The following PHTF2 variants were observed in gnomAD, a reference collection of about 807,000 sequenced individuals.
The protein encoded by PHTF2 is putative homeodomain transcription factor 2.
A neutral mutation model predicts 101.2 loss-of-function variants in PHTF2; 60 were observed. That is an observed-to-expected ratio of 0.59 (90% CI 0.48 to 0.73). The LOEUF is 0.73. Ranked by LOEUF, PHTF2 falls within the 30% of genes least tolerant of loss-of-function variation. The pLI, the probability that PHTF2 is intolerant of heterozygous loss-of-function variation, is 0.00. For missense variants in PHTF2, 747 were observed against 908.7 expected (o/e 0.82, Z 2.29); for synonymous variants, 311 against 307.3 (o/e 1.01, Z -0.13).
intron 3 of PHTF2, among the ~76,000 whole-genome samples, chr7:77,882,403 T>C (rs144452029): frequency 1.1e-3 from 165 of 152,268 alleles, no homozygotes; most frequent in African/African-American, 3.8e-3. Context: ...TCTACTCAAG[T>C]AGCTTTACTT....
intron 2 of PHTF2, among the ~76,000 whole-genome samples, chr7:77,841,742 T>C (rs1795903698): frequency 6.6e-6 from 1 of 152,224 alleles, no homozygotes; most frequent in Non-Finnish European, 1.5e-5. Context: ...TTGTGTTTGT[T>C]AGTGCCTCCT....
chr7:77,837,152 G>C (rs1181356730), intron 1 of PHTF2, among the ~76,000 whole-genome samples: 1 of 152,048 alleles, frequency 6.6e-6, no homozygotes, highest in Non-Finnish European at 1.5e-5. Context: ...ACCCATCCTT[G>C]TATCAGATCA....
At chr7:77,868,613 A>T (rs1397605429) in intron 3 of PHTF2, among the ~76,000 whole-genome samples, 1 of 152,170 alleles carries the variant, frequency 6.6e-6, no homozygotes, top group Admixed American at 6.5e-5. Context: ...TTCTCATCTA[A>T]ACAAGTAATT....
At chr7:77,843,089 G>A (rs1361668023) in intron 2 of PHTF2, among the ~76,000 whole-genome samples, 1 of 152,080 alleles carries the variant, frequency 6.6e-6, no homozygotes, top group African/African-American at 2.4e-5. Context: ...TCATTTTATT[G>A]TAGATGTTAC....
intron 1 of PHTF2, among the ~76,000 whole-genome samples, chr7:77,838,168 G>T (rs1396801610): frequency 6.6e-6 from 1 of 152,156 alleles, no homozygotes; most frequent in Non-Finnish European, 1.5e-5. Context: ...AATCAGTGGG[G>T]CAAACCTCTG....
intron 12 of PHTF2, among the ~76,000 whole-genome samples, chr7:77,931,778 C>T (rs1205410414): frequency 6.6e-6 from 1 of 151,928 alleles, no homozygotes; most frequent in South Asian, 2.1e-4. Context: ...ATATAATAGC[C>T]AATAATAGTG....
At chr7:77,906,477 C>T (rs1322043816) in intron 7 of PHTF2, 1 of 152,032 alleles carries the variant, frequency 6.6e-6, no homozygotes, top group Non-Finnish European at 1.5e-5. Context: ...TTTCTAATGC[C>T]TTGTCGTCAG....
chr7:77,928,968 T>C, intron 11 of PHTF2, 141 bp from the exon 11 acceptor site: 2 of 598,620 alleles, frequency 3.3e-6, no homozygotes, highest in South Asian at 4.4e-5. Context: ...ATATATTTTG[T>C]AATGTTTTGC....
intron 3 of PHTF2, among the ~76,000 whole-genome samples, chr7:77,869,204 A>G (rs1798325203): frequency 6.6e-6 from 1 of 152,194 alleles, no homozygotes; most frequent in Non-Finnish European, 1.5e-5. Flanking sequence ...ATTTTGATAC[A>G]TACAATGGGT....
At chr7:77,859,116 C>T (rs1202731886) in intron 3 of PHTF2, among the ~76,000 whole-genome samples, 1 of 152,162 alleles carries the variant, frequency 6.6e-6, no homozygotes, top group Non-Finnish European at 1.5e-5. Flanking sequence ...TTGCCTTCTT[C>T]ACACTCTTTC....
At chr7:77,894,217 A>G (rs1800695296) in intron 5 of PHTF2, among the ~76,000 whole-genome samples, 2 of 152,222 alleles carry the variant, frequency 1.3e-5, no homozygotes, top group African/African-American at 4.8e-5. Flanking sequence ...TCTTATGCTG[A>G]TAAAATATTC....
intron 12 of PHTF2, among the ~76,000 whole-genome samples, chr7:77,934,804 G>A (rs1026197223): frequency 5.3e-5 from 8 of 151,984 alleles, no homozygotes; most frequent in African/African-American, 1.4e-4. Flanking sequence ...AAAATTAGTC[G>A]GGCATGGTGG....
At chr7:77,844,681 C>T (rs772613335) in intron 2 of PHTF2, among the ~76,000 whole-genome samples, 31 of 152,226 alleles carry the variant, frequency 2.0e-4, no homozygotes, top group Non-Finnish European at 2.8e-4. Flanking sequence ...GGTGCTACTA[C>T]GGCCAGCTAA....
At chr7:77,799,816 A>G (rs1792389618) in intron 1 of PHTF2, among the ~76,000 whole-genome samples, 2 of 152,230 alleles carry the variant, frequency 1.3e-5, no homozygotes, top group South Asian at 4.1e-4. Flanking sequence ...ACAATTTATT[A>G]ATCTCAGTGT....
In PHTF2 at chr7:77,949,840, G is replaced by T. The variant is rs767902812; in HGVS notation, c.2115+7G>T. The T allele has an allele frequency of 5.0e-6, 7 of 1,396,820 alleles. No individual in the cohort carries two copies. Among genetic ancestry groups the T allele is most frequent in the Non-Finnish European group, 6.9e-6 (7 of 1,018,264 alleles). 86.5% of individuals were successfully genotyped at this position (1,396,820 alleles called of 1,614,324 possible). A position where few individuals can be genotyped will look rare whatever the true frequency, so the allele number is the denominator to read the frequency against. On this transcript the variant is annotated splice_region_variant and intron_variant, in intron 17 of 19. Transcript: ENST00000416283. ...AATATTACTTACTGAACAGGTGAGT[G>T]TGCCTACTTATTATGCTACAAATTA...
intron 1 of PHTF2, among the ~76,000 whole-genome samples, chr7:77,816,500 A>G (rs1203235400): frequency 1.3e-5 from 2 of 152,244 alleles, no homozygotes; most frequent in Non-Finnish European, 2.9e-5. Flanking sequence ...CATAATGTAC[A>G]TATTTGAGGG....
At chr7:77,855,112 G>A (rs931124389) in intron 3 of PHTF2, among the ~76,000 whole-genome samples, 1 of 152,254 alleles carries the variant, frequency 6.6e-6, no homozygotes, top group African/African-American at 2.4e-5. Context: ...TCTCACCCAA[G>A]ACCTGCAGTG....
intron 7 of PHTF2, among the ~76,000 whole-genome samples, chr7:77,907,365 G>A (rs1442267540): frequency 1.3e-5 from 2 of 152,112 alleles, no homozygotes; most frequent in East Asian, 1.9e-4. Flanking sequence ...TGTTTTAAGC[G>A]TTTGGTATAT....
Position 77,893,812 on chromosome 7 carries a change from A to G in PHTF2, c.204+148A>G, listed in dbSNP as rs534640129. 5.1e-4 allele frequency: 325 copies of G among 632,982 alleles called. 5 individuals are homozygous for G. In the South Asian group the frequency reaches 6.8e-3, roughly 13 times the overall value. 39.2% of individuals were successfully genotyped at this position (632,982 alleles called of 1,614,324 possible). On this transcript the variant is annotated intron_variant, in intron 4 of 19. Coordinates refer to ENST00000416283, the Ensembl canonical transcript of PHTF2. ...AAGAAAGAAGTAAACTTTATTTACCATAGTCACGTTTACTCCTGATGTTGG... is the reference window on the plus strand; with the variant it reads ...AAGAAAGAAGTAAACTTTATTTACCGTAGTCACGTTTACTCCTGATGTTGG...
Sources: gnomAD v4.1 joint callset for allele counts (sites outside exome capture counted in the v4.1 genomes callset) on GRCh38, gnomAD v4.1.1 for gene constraint, MANE v1.5 for transcripts, NCBI Gene and HGNC (gene_info 2026-07-23, HGNC 2026-07-21) for gene names.